DIS3L2: variants seen among roughly 807,000 people sequenced by gnomAD.
DIS3L2 encodes the protein DIS3 like 3'-5' exoribonuclease 2, also known as DIS3-like exonuclease 2.
A neutral mutation model predicts 97.5 loss-of-function variants in DIS3L2; 34 were observed. The observed-to-expected ratio is 0.35, with a 90% CI of 0.27 to 0.46. The LOEUF is 0.46. Ranked by LOEUF, DIS3L2 falls within the 20% of genes least tolerant of loss-of-function variation. The pLI, the probability that DIS3L2 is intolerant of heterozygous loss-of-function variation, is 1.00. For missense variants in DIS3L2, 1,038 were observed against 1,146.0 expected (o/e 0.91, Z 1.36); for synonymous variants, 435 against 445.2 (o/e 0.98, Z 0.29).
chr2:232,334,328 C>G (rs780636069), intron 17 of DIS3L2, 41 bp from the exon 18 acceptor site: 30 of 1,604,514 alleles, frequency 1.9e-5, no homozygotes, highest in African/African-American at 8.0e-5. Context: ...TCTTCCCAGC[C>G]CCCCAGGCTC....
chr2:232,301,006 G>C (rs1694840754), intron 14 of DIS3L2, among the ~76,000 whole-genome samples: 1 of 152,136 alleles, frequency 6.6e-6, no homozygotes, highest in Non-Finnish European at 1.5e-5. Context: ...TGAAAGTGGT[G>C]GTGAATGAGG....
intron 5 of DIS3L2, among the ~76,000 whole-genome samples, chr2:232,085,962 C>G (rs556229816): frequency 6.6e-6 from 1 of 152,130 alleles, no homozygotes; most frequent in South Asian, 2.1e-4. Context: ...GCCCTGCCCC[C>G]CAACTATGCC....
intron 11 of DIS3L2, 30 bp from the exon 12 acceptor site, chr2:232,249,209 G>A (rs1394736020): frequency 3.1e-6 from 5 of 1,609,856 alleles, no homozygotes; most frequent in Non-Finnish European, 4.2e-6. Flanking sequence ...GTTGGAGAAA[G>A]GTGCTCATGG....
At chr2:231,984,479 C>T (rs1204986537) in intron 1 of DIS3L2, among the ~76,000 whole-genome samples, 1 of 150,514 alleles carries the variant, frequency 6.6e-6, no homozygotes, top group Non-Finnish European at 1.5e-5. Context: ...CTCCGCCTCC[C>T]GGGTTCACGC....
At chr2:232,287,385 C>T (rs1390185925) in intron 13 of DIS3L2, among the ~76,000 whole-genome samples, 3 of 23,436 alleles carry the variant, frequency 1.3e-4, no homozygotes, top group Non-Finnish European at 2.7e-4. Flanking sequence ...TCCTTCCCCC[C>T]GCGCCCCCCC....
At chr2:232,251,103 C>G (rs1202394586) in intron 12 of DIS3L2, among the ~76,000 whole-genome samples, 1 of 152,150 alleles carries the variant, frequency 6.6e-6, no homozygotes. Flanking sequence ...TTTGATGAAA[C>G]CCTGTCCAGA....
chr2:232,036,338 G>A (rs757876165), intron 5 of DIS3L2, among the ~76,000 whole-genome samples: 10 of 152,008 alleles, frequency 6.6e-5, no homozygotes, highest in Non-Finnish European at 1.5e-4. Flanking sequence ...TATGCTTCAC[G>A]AAGTTCTCAT....
At chr2:231,981,659 TATC>T (rs1693267236) in intron 1 of DIS3L2, among the ~76,000 whole-genome samples, 1 of 142,352 alleles carries the variant, frequency 7.0e-6, no homozygotes, top group African/African-American at 2.5e-5. Context: ...ACATATTATA[TATC>T]ATATTTATAT....
chr2:231,975,576 G>A (rs958689578), intron 1 of DIS3L2, among the ~76,000 whole-genome samples: 3 of 151,840 alleles, frequency 2.0e-5, no homozygotes, highest in African/African-American at 7.3e-5. Flanking sequence ...GTGGTGGCAG[G>A]CACCTGTAGT....
chr2:232,263,020 C>G (rs1693752349), intron 12 of DIS3L2, among the ~76,000 whole-genome samples, 187 bp from the exon 13 acceptor site: 2 of 152,218 alleles, frequency 1.3e-5, no homozygotes, highest in Admixed American at 1.3e-4. Context: ...GGAGACTAAG[C>G]TCCCTGAGGG....
At chr2:232,318,119 C>T (rs2106336825) in intron 14 of DIS3L2, among the ~76,000 whole-genome samples, 1 of 151,366 alleles carries the variant, frequency 6.6e-6, no homozygotes, top group Admixed American at 6.5e-5. Flanking sequence ...CCTGCAAGGC[C>T]AGGCCTCCAC....
intron 7 of DIS3L2, among the ~76,000 whole-genome samples, chr2:232,132,113 T>G (rs1479036295): frequency 2.0e-5 from 3 of 152,120 alleles, no homozygotes; most frequent in African/African-American, 7.2e-5. Flanking sequence ...CTGGAACCTG[T>G]GTTCTTTGAT....
chr2:232,086,323 A>G (rs546013560), intron 5 of DIS3L2, among the ~76,000 whole-genome samples: 6 of 147,410 alleles, frequency 4.1e-5, no homozygotes, highest in Admixed American at 2.1e-4. Flanking sequence ...ATGTATATGC[A>G]TATGCATATG....
At chr2:232,214,449 C>A (rs1692278246) in intron 10 of DIS3L2, among the ~76,000 whole-genome samples, 1 of 152,134 alleles carries the variant, frequency 6.6e-6, no homozygotes, top group African/African-American at 2.4e-5. Flanking sequence ...CCCTATAGAA[C>A]AAATCTAGTG....
Position 232,086,634 on chromosome 2 carries a change from T to C in DIS3L2, c.367-853T>C, listed in dbSNP as rs111259727. 4.2e-3 allele frequency among the ~76,000 whole-genome samples: 270 copies of C among 63,636 alleles called. 6 individuals carry two copies. The highest frequency in any genetic ancestry group is 0.012 in the East Asian group (40 of 3,316). The allele number at this position is 63,636 out of a possible 152,430, so 41.7% of individuals were successfully genotyped here. On this transcript the variant is annotated intron_variant, in intron 5 of 20. Coordinates refer to ENST00000325385, the MANE Select transcript of DIS3L2 (RefSeq NM_152383.5). ...GTGTGTATATATATATATATACACA[T>C]ATATATATATGTATATATATATATA...
intron 14 of DIS3L2, among the ~76,000 whole-genome samples, chr2:232,301,573 T>G (rs1436119590): frequency 6.6e-5 from 10 of 152,302 alleles, no homozygotes; most frequent in African/African-American, 2.4e-4. Flanking sequence ...CTTCAAGACA[T>G]GATGACTGTT....
At chr2:232,028,538 A>G (rs1452244053) in intron 4 of DIS3L2, among the ~76,000 whole-genome samples, 4 of 152,128 alleles carry the variant, frequency 2.6e-5, no homozygotes, top group African/African-American at 7.2e-5. Flanking sequence ...CATCCCATCA[A>G]TCTGAAATCT....
chr2:231,967,466 C>T (rs1692756170), intron 1 of DIS3L2, among the ~76,000 whole-genome samples: 1 of 152,080 alleles, frequency 6.6e-6, no homozygotes, highest in Admixed American at 6.5e-5. Flanking sequence ...GAAATAGTTG[C>T]CTTTTTCTCT....
At chr2:232,148,757 T>TC (rs1559679096) in intron 8 of DIS3L2, among the ~76,000 whole-genome samples, 2 of 146,674 alleles carry the variant, frequency 1.4e-5, no homozygotes, top group African/African-American at 5.0e-5. Flanking sequence ...TCTTTTTTTT[T>TC]TTTTTTTTTT....
Sources: allele counts gnomAD v4.1 joint callset (sites outside exome capture counted in the v4.1 genomes callset), GRCh38; gene constraint gnomAD v4.1.1; transcripts MANE v1.5; gene names NCBI Gene and HGNC (gene_info 2026-07-23, HGNC 2026-07-21).